Variants in EYS observed in about 807,000 individuals in gnomAD.
EYS encodes EGF-like photoreceptor maintenance factor.
EYS carries 250 observed loss-of-function variants against 282.1 expected under a neutral mutation model. The ratio of observed to expected loss-of-function variants is 0.89; its 90% CI spans 0.80 to 0.98. The LOEUF (loss-of-function observed/expected upper bound fraction) is 0.98, where lower values mean the gene tolerates loss of function less well. EYS is among the 50% of genes least tolerant of loss of function. The pLI, the probability that EYS is intolerant of heterozygous loss-of-function variation, is 0.00. For missense variants in EYS, 4,016 were observed against 3,709.0 expected (o/e 1.08, Z -2.15); for synonymous variants, 1,355 against 1,282.9 (o/e 1.06, Z -1.20).
chr6:65,040,289 G>T (rs1010367568), intron 13 of EYS, among the ~76,000 whole-genome samples: 3 of 151,682 alleles, frequency 2.0e-5, no homozygotes, highest in African/African-American at 7.3e-5. Flanking sequence ...CTATGAGAGA[G>T]AATCTCTTCC....
chr6:64,872,868 G>A (rs1766635642), intron 19 of EYS, among the ~76,000 whole-genome samples: 1 of 151,926 alleles, frequency 6.6e-6, no homozygotes, highest in South Asian at 2.1e-4. Context: ...AGTATAACAG[G>A]AACTTCAGGA....
chr6:64,945,793 C>A lies in EYS; in HGVS notation c.2381G>T (p.Arg794Leu), dbSNP rs765364303. 6.5e-7 allele frequency: 1 copy of A among 1,548,582 alleles called. No homozygotes were observed. Among genetic ancestry groups the A allele is most frequent in the East Asian group, 2.5e-5 (1 of 40,748 alleles). Residue 794 changes from arginine (R) to leucine (L), a missense_variant and splice_region_variant, in exon 15 of 43, where the codon CGA (arginine) becomes CTA (leucine). Transcript: ENST00000503581. ...STCTDLYKSY[R>L]CECTSGWTGQ... Reference sequence around the variant, plus strand: ...AGAAAGCTAAAAATATGTTACTCACCGATAGCTTTTGTAAAGGTCAGTACA... The same window carrying A: ...AGAAAGCTAAAAATATGTTACTCACAGATAGCTTTTGTAAAGGTCAGTACA...
At chr6:65,097,594 C>T (rs1335987647) in intron 12 of EYS, among the ~76,000 whole-genome samples, 1 of 150,720 alleles carries the variant, frequency 6.6e-6, no homozygotes, top group African/African-American at 2.4e-5. Flanking sequence ...AGGGAAACCA[C>T]CTAAATGTCT....
intron 12 of EYS, among the ~76,000 whole-genome samples, chr6:65,180,082 A>C (rs1225787866): frequency 6.6e-6 from 1 of 151,328 alleles, no homozygotes; most frequent in East Asian, 1.9e-4. Context: ...ATCTACGACA[A>C]ACCCACAGCC....
intron 12 of EYS, among the ~76,000 whole-genome samples, chr6:65,118,310 AGTTAG>A (rs1245594076): frequency 1.3e-5 from 2 of 152,170 alleles, no homozygotes; most frequent in Non-Finnish European, 2.9e-5. Context: ...ATGAGGGCCT[AGTTAG>A]GCTTCATTTA....
intron 14 of EYS, among the ~76,000 whole-genome samples, chr6:64,950,799 A>G (rs1476353308): frequency 4.7e-5 from 2 of 42,848 alleles, no homozygotes; most frequent in Non-Finnish European, 9.8e-5. Context: ...ATACATATAC[A>G]TATATATATA....
intron 5 of EYS, among the ~76,000 whole-genome samples, chr6:65,455,551 T>C (rs1003688374): frequency 2.0e-5 from 3 of 151,674 alleles, no homozygotes; most frequent in African/African-American, 7.3e-5. Flanking sequence ...ATAAGTAAAA[T>C]CAGGTGAAAA....
chr6:65,051,183 A>C, intron 13 of EYS, among the ~76,000 whole-genome samples: 1 of 151,532 alleles, frequency 6.6e-6, no homozygotes, highest in Non-Finnish European at 1.5e-5. Flanking sequence ...TAGCTACTGA[A>C]AACTTTTATA....
At chr6:65,218,876 A>G (rs1468208284) in intron 12 of EYS, among the ~76,000 whole-genome samples, 1 of 152,164 alleles carries the variant, frequency 6.6e-6, no homozygotes, top group African/African-American at 2.4e-5. Flanking sequence ...AGAAAAGGGT[A>G]GAAAAATCTT....
intron 19 of EYS, among the ~76,000 whole-genome samples, chr6:64,885,015 T>G (rs774527935): frequency 6.6e-6 from 1 of 151,700 alleles, no homozygotes; most frequent in Non-Finnish European, 1.5e-5. Flanking sequence ...ATGACTTAAG[T>G]CATTGCAGTA....
At chr6:65,075,868 A>C (rs1774035008) in intron 12 of EYS, among the ~76,000 whole-genome samples, 1 of 151,970 alleles carries the variant, frequency 6.6e-6, no homozygotes, top group Admixed American at 6.6e-5. Flanking sequence ...TAAATATCTG[A>C]TTATTTCCTG....
At chr6:64,147,490 T>C (rs1387140606) in intron 31 of EYS, among the ~76,000 whole-genome samples, 2 of 152,152 alleles carry the variant, frequency 1.3e-5, no homozygotes, top group African/African-American at 4.8e-5. Context: ...TACTAATTCC[T>C]TACTCCATGC....
At chr6:65,293,957 C>T (rs1768595086) in intron 12 of EYS, among the ~76,000 whole-genome samples, 1 of 151,520 alleles carries the variant, frequency 6.6e-6, no homozygotes, top group South Asian at 2.1e-4. Flanking sequence ...CTTCAGAAAG[C>T]ACATGAGTTT....
chr6:65,593,288 C>A (rs1023668903), intron 2 of EYS, among the ~76,000 whole-genome samples: 3 of 151,896 alleles, frequency 2.0e-5, no homozygotes, highest in East Asian at 1.9e-4. Context: ...ATGGAAAAAA[C>A]CATATTCTTC....
Position 65,072,224 on chromosome 6 carries a change from G to C in EYS, c.2024-14497C>G, listed in dbSNP as rs1014226476. 8.6e-5 allele frequency among the ~76,000 whole-genome samples: 13 copies of C among 151,850 alleles called. 1 individual carries two copies. The Admixed American group carries it at 8.6e-4, about 10-fold the overall frequency. ...CAGGGCTACATATTGGGGAGAAATT[G>C]TAAGAAATTTAATAGAAATTGAGTA... On this transcript the variant is annotated intron_variant, in intron 12 of 42. Coordinates refer to ENST00000503581, the MANE Select transcript of EYS (RefSeq NM_001142800.2).
intron 36 of EYS, among the ~76,000 whole-genome samples, chr6:63,856,062 G>A (rs1394395746): frequency 1.5e-5 from 2 of 131,874 alleles, no homozygotes; most frequent in African/African-American, 2.8e-5. Context: ...TGTGCCTTCC[G>A]TTGCTTGCTA....
At chr6:64,240,702 G>C (rs1766794576) in intron 30 of EYS, among the ~76,000 whole-genome samples, 1 of 152,184 alleles carries the variant, frequency 6.6e-6, no homozygotes, top group South Asian at 2.1e-4. Context: ...TGCAAACAGA[G>C]ACAATTTGGC....
chr6:64,286,132 C>G (rs1338853611), intron 30 of EYS, among the ~76,000 whole-genome samples: 1 of 152,130 alleles, frequency 6.6e-6, no homozygotes, highest in Non-Finnish European at 1.5e-5. Context: ...AGATTCATAG[C>G]TCATATACCC....
chr6:65,062,542 A>C lies in EYS; in HGVS notation c.2024-4815T>G, dbSNP rs932215621. 1.6e-4 allele frequency among the ~76,000 whole-genome samples: 24 copies of C among 152,076 alleles called. 1 individual carries two copies. Among genetic ancestry groups the C allele is most frequent in the Middle Eastern group, 6.8e-3 (2 of 294 alleles). On this transcript the variant is annotated intron_variant, in intron 12 of 42. Transcript: ENST00000503581. ...TAATATAATTAGGAAATACAAATCC[A>C]GTAAGAAAGTTAATGGCAGTACTCC...
Sources: allele counts gnomAD v4.1 joint callset (sites outside exome capture counted in the v4.1 genomes callset), GRCh38; gene constraint gnomAD v4.1.1; transcripts MANE v1.5; gene names NCBI Gene and HGNC (gene_info 2026-07-23, HGNC 2026-07-21).